Variants in GEMIN5 observed in about 807,000 individuals in gnomAD.
GEMIN5 encodes gem nuclear organelle associated protein 5.
GEMIN5 carries 124 observed loss-of-function variants against 176.9 expected under a neutral mutation model. The ratio of observed to expected loss-of-function variants is 0.70; its 90% CI spans 0.61 to 0.81. The LOEUF is 0.81. Ranked by LOEUF, GEMIN5 falls within the 40% of genes least tolerant of loss-of-function variation. GEMIN5 has a pLI of 0.00. For synonymous variants in GEMIN5, 673 were observed against 665.2 expected (o/e 1.01, Z -0.18); for missense variants, 1,843 against 1,814.6 (o/e 1.02, Z -0.28).
intron 22 of GEMIN5, 81 bp from the exon 23 acceptor site, chr5:154,898,731 C>A: frequency 8.5e-7 from 1 of 1,180,224 alleles, no homozygotes. Context: ...TCATTTCTTT[C>A]TATCTACTTT....
intron 9 of GEMIN5, among the ~76,000 whole-genome samples, chr5:154,922,930 T>A (rs550868380): frequency 6.6e-6 from 1 of 152,132 alleles, no homozygotes; most frequent in East Asian, 1.9e-4. Flanking sequence ...TCTCCTGACC[T>A]CAGGATCCGC....
At chr5:154,892,675 C>G (rs966403185) in intron 24 of GEMIN5, 126 bp from the exon 25 acceptor site, 1 of 884,756 alleles carries the variant, frequency 1.1e-6, no homozygotes. Flanking sequence ...GAAAGTTCCT[C>G]TTGTCTCCGC....
At position 154,921,360 on chromosome 5, in the gene GEMIN5, A is replaced by G; in HGVS notation, c.1445T>C (p.Val482Ala). Reference sequence around the variant, plus strand: ...ATACTTACCAAGTGACATGGGGGGTACTGGTGGCCCCCAGGCTAAAGTATA... The same window carrying G: ...ATACTTACCAAGTGACATGGGGGGTGCTGGTGGCCCCCAGGCTAAAGTATA... ...TVYTLAWGPP[V>A]PPMSLGGEGD... Residue 482 changes from valine to alanine, a missense_variant, in exon 10 of 28, where the codon GTA (valine) becomes GCA (alanine). Physicochemically the swap from Val to Ala is moderately conservative, Grantham distance 64. Coordinates refer to ENST00000285873, the MANE Select transcript of GEMIN5 (RefSeq NM_015465.5). 1 of 1,405,620 alleles carries G rather than the reference A, an allele frequency of 7.1e-7. No individual in the cohort carries two copies. Among genetic ancestry groups the G allele is most frequent in the Non-Finnish European group, 1.0e-6 (1 of 996,586 alleles). 87.1% of individuals were successfully genotyped at this position (1,405,620 alleles called of 1,614,324 possible). A position where few individuals can be genotyped will look rare whatever the true frequency, so the allele number is the denominator to read the frequency against.
At chr5:154,888,898 C>T (rs1490467880) in intron 27 of GEMIN5, among the ~76,000 whole-genome samples, 1 of 149,306 alleles carries the variant, frequency 6.7e-6, no homozygotes, top group Non-Finnish European at 1.5e-5. Flanking sequence ...CGCTCTGTTG[C>T]CCAGGCTGGA....
chr5:154,901,523 G>T (rs1416554799), intron 20 of GEMIN5, 37 bp from the exon 21 acceptor site: 6 of 1,606,170 alleles, frequency 3.7e-6, no homozygotes, highest in Non-Finnish European at 4.3e-6. Flanking sequence ...AAAAACAGTT[G>T]AAGAAAAAGT....
intron 18 of GEMIN5, among the ~76,000 whole-genome samples, chr5:154,904,202 A>G (rs868142194): frequency 1.3e-5 from 2 of 152,262 alleles, no homozygotes. Context: ...GAGTTTATTC[A>G]TGCTGAGATA....
intron 11 of GEMIN5, 126 bp downstream of exon 11, chr5:154,919,841 A>C: frequency 2.6e-6 from 2 of 771,042 alleles, no homozygotes; most frequent in Non-Finnish European, 4.2e-6. Context: ...CCTTATAAGA[A>C]CATTTAAGAA....
chr5:154,932,046 G>A (rs1008556807), intron 4 of GEMIN5, 53 bp downstream of exon 4: 9 of 1,294,926 alleles, frequency 7.0e-6, no homozygotes, highest in South Asian at 2.6e-5. Context: ...AATTGTACCC[G>A]TTCTGTTCTT....
chr5:154,911,339 C>T (rs577613680), intron 15 of GEMIN5, among the ~76,000 whole-genome samples: 163 of 152,226 alleles, frequency 1.1e-3, no homozygotes, highest in Non-Finnish European at 1.7e-3. Context: ...TGGCTAGATC[C>T]CGTCTCTACT....
chr5:154,921,865 C>G (rs1422096196), intron 9 of GEMIN5, among the ~76,000 whole-genome samples: 1 of 152,108 alleles, frequency 6.6e-6, no homozygotes, highest in Non-Finnish European at 1.5e-5. Flanking sequence ...TTGTGATTGT[C>G]TTTTAAAGAA....
chr5:154,920,158 T>C, intron 10 of GEMIN5, 55 bp from the exon 11 acceptor site: 1 of 1,461,508 alleles, frequency 6.8e-7, no homozygotes, highest in South Asian at 1.2e-5. Flanking sequence ...AGCTTAACTA[T>C]TTGTTGCTAT....
At chr5:154,905,261 A>C in intron 17 of GEMIN5, 102 bp downstream of exon 17, 1 of 550,856 alleles carries the variant, frequency 1.8e-6, no homozygotes, top group Non-Finnish European at 3.3e-6. Flanking sequence ...AACCTATAAA[A>C]ACAAACAAGA....
At chr5:154,890,782 G>T (rs1038538547) in intron 26 of GEMIN5, among the ~76,000 whole-genome samples, 2 of 151,878 alleles carry the variant, frequency 1.3e-5, no homozygotes, top group African/African-American at 2.4e-5. Context: ...TGTATTTTTT[G>T]AGATGAAGTC....
chr5:154,903,373 G>C (rs1319434554), intron 18 of GEMIN5, among the ~76,000 whole-genome samples, 198 bp from the exon 19 acceptor site: 1 of 152,020 alleles, frequency 6.6e-6, no homozygotes, highest in Non-Finnish European at 1.5e-5. Context: ...CCCCAAATCA[G>C]AACATATTTA....
At chr5:154,913,752 G>T (rs1342653460) in intron 13 of GEMIN5, among the ~76,000 whole-genome samples, 1 of 152,144 alleles carries the variant, frequency 6.6e-6, no homozygotes, top group Admixed American at 6.5e-5. Flanking sequence ...GGGAGGCAGA[G>T]GTTGTAGTGA....
chr5:154,937,548 G>C (rs1461489382), intron 1 of GEMIN5, among the ~76,000 whole-genome samples: 1 of 152,168 alleles, frequency 6.6e-6, no homozygotes, highest in Admixed American at 6.5e-5. Flanking sequence ...GCCTAGTTTG[G>C]AGCCTGAAAG....
At chr5:154,895,059 A>G (rs1189691026) in intron 24 of GEMIN5, among the ~76,000 whole-genome samples, 1 of 128,814 alleles carries the variant, frequency 7.8e-6, no homozygotes, top group Non-Finnish European at 1.7e-5. Context: ...AGCCTGAGCA[A>G]CAAGAGTGAA....
At position 154,898,621 on chromosome 5, in the gene GEMIN5, G is replaced by A; in HGVS notation, c.3164C>T (p.Ala1055Val). The A allele has an allele frequency of 6.2e-7, 1 of 1,613,754 alleles. No homozygotes were observed. The highest frequency in any genetic ancestry group is 8.5e-7 in the Non-Finnish European group (1 of 1,179,610). Residue 1055 changes from alanine to valine, a missense_variant, in exon 23 of 28, where the codon GCA becomes GTA. By Grantham distance (64) the Ala-to-Val change is moderately conservative. Transcript: ENST00000285873. ...CCCCTTTTTGGCCAAAACTTTGGCT[G>A]CATCATAAGCACAAGTGGCCCCTAA... ...CYLGATCAYD[A>V]AKVLAKKGDA...
In GEMIN5 at chr5:154,898,423, T is replaced by C; in HGVS notation, c.3345+17A>G. ...CACTTCCCTCTTGTATACTAGGAGA[T>C]GAAATAACAGACTGACCTGTAGACT... On this transcript the variant is annotated intron_variant, in intron 23 of 27. Transcript: ENST00000285873. 6.3e-7 allele frequency: 1 copy of C among 1,597,258 alleles called. No individual in the cohort carries two copies. The highest frequency in any genetic ancestry group is 1.1e-5 in the South Asian group (1 of 90,734).
Sources: gnomAD v4.1 joint callset for allele counts (sites outside exome capture counted in the v4.1 genomes callset) on GRCh38, gnomAD v4.1.1 for gene constraint, MANE v1.5 for transcripts, NCBI Gene and HGNC (gene_info 2026-07-23, HGNC 2026-07-21) for gene names.